The following JAGN1 variants were observed in gnomAD, a reference collection of about 807,000 sequenced individuals.
The protein encoded by JAGN1 is protein jagunal homolog 1.
JAGN1 carries 13 observed loss-of-function variants against 17.1 expected under a neutral mutation model. That is an observed-to-expected ratio of 0.76 (90% CI 0.49 to 1.21). The LOEUF (loss-of-function observed/expected upper bound fraction) is 1.21. Ranked by LOEUF, JAGN1 falls within the 50% of genes most tolerant of loss-of-function variation. The pLI, the probability that JAGN1 is intolerant of heterozygous loss-of-function variation, is 0.00. For missense variants in JAGN1, 256 were observed against 234.2 expected, an observed-to-expected ratio of 1.09 and a Z score of -0.61; for synonymous variants, 111 against 91.0, an observed-to-expected ratio of 1.22 and a Z score of -1.25.
rs755763965 is a variant in JAGN1 at position 9,893,152 on chromosome 3, CTT to C, written c.330_331del (p.Ser111HisfsTer72). 10 of 1,614,114 alleles carry C rather than the reference CTT, an allele frequency of 6.2e-6. No individual in the cohort carries two copies. The highest frequency in any genetic ancestry group is 2.2e-5 in the South Asian group (2 of 91,088). ...LVLSMISMGL[F>X]SIAPLIYGSM... ...TGCTCTCCATGATCAGCATGGGACT[CTT>C]TTCCATCGCTCCACTCATTTATGGC... On this transcript the variant is annotated frameshift_variant, in exon 2 of 2. Transcript: ENST00000647897. LOFTEE classifies it high-confidence loss of function.
rs1363257708 is a variant in JAGN1 at position 9,893,647 on chromosome 3, G to A, written c.*270G>A. On this transcript the variant is annotated 3_prime_UTR_variant, in exon 2 of 2. Transcript: ENST00000647897. Reference sequence around the variant, plus strand: ...AGGTTTTTCTTTAAGAATGAGCTTCGTCCTTGCCTCTACTCGGTCATTCTC... The same window carrying A: ...AGGTTTTTCTTTAAGAATGAGCTTCATCCTTGCCTCTACTCGGTCATTCTC... The A allele has an allele frequency of 1.1e-5, 5 of 435,534 alleles. No individual in the cohort carries two copies. The highest frequency in any genetic ancestry group is 2.1e-5 in the Non-Finnish European group (5 of 243,282). The allele number at this position is 435,534 out of a possible 1,614,324, so 27.0% of individuals were successfully genotyped here.
Position 9,892,918 on chromosome 3 carries a change from G to T in JAGN1, c.93G>T (p.Val31=), listed in dbSNP as rs2082572382. 6.2e-7 allele frequency: 1 copy of T among 1,606,766 alleles called. No individual in the cohort carries two copies. The change falls in exon 2 of 2, where the codon GTG becomes GTT. Residue 31 remains valine (V), a synonymous_variant. Transcript: ENST00000647897. ...CTCCCTCTGCTCTGCCCCACAGTGTGACTCTCAAGTATGAAATCAAGAAGC... is the reference window on the plus strand; with the variant it reads ...CTCCCTCTGCTCTGCCCCACAGTGTTACTCTCAAGTATGAAATCAAGAAGC... ...ERVAMHYQMS[V]TLKYEIKKLI...
chr3:9,892,956 A>AT lies in JAGN1; in HGVS notation c.132dup (p.Leu45SerfsTer10). On this transcript the variant is annotated frameshift_variant, in exon 2 of 2. Transcript: ENST00000647897. LOFTEE classifies it high-confidence loss of function. ...GAAATCAAGAAGCTGATCTACGTAC[A>AT]TCTGGTCATATGGCTGCTGCTGGTT... The AT allele has an allele frequency of 6.2e-7, 1 of 1,614,144 alleles. No individual in the cohort carries two copies. The highest frequency in any genetic ancestry group is 2.2e-5 in the East Asian group (1 of 44,884).
chr3:9,890,895 G>C (rs1046500482), intron 1 of JAGN1, 84 bp downstream of exon 1: 31 of 1,228,798 alleles, frequency 2.5e-5, no homozygotes, highest in Non-Finnish European at 3.5e-5. Flanking sequence ...CCCGGCCTCA[G>C]GGTCTTGCTC....
chr3:9,891,837 A>G (rs2082564477), intron 1 of JAGN1, among the ~76,000 whole-genome samples: 1 of 152,168 alleles, frequency 6.6e-6, no homozygotes, highest in African/African-American at 2.4e-5. Flanking sequence ...AATTAGAAGA[A>G]TAAGATAAGT....
rs188832724 is a variant in JAGN1, at chr3:9,891,116, A to G, written c.89+305A>G. Among the ~76,000 whole-genome samples, 119 of 152,352 alleles carry G rather than the reference A, an allele frequency of 7.8e-4. 3 individuals carry two copies. The highest frequency in any genetic ancestry group is 7.5e-3 in the Admixed American group (115 of 15,312). Reference sequence around the variant, plus strand: ...CCCGCTGTATCACCTTCGAAACCGAATTTCTAATTTGAGCCTCAGCTTCCT... The same window carrying G: ...CCCGCTGTATCACCTTCGAAACCGAGTTTCTAATTTGAGCCTCAGCTTCCT... On this transcript the variant is annotated intron_variant, in intron 1 of 1. Transcript: ENST00000647897.
rs750948225 is a variant in JAGN1, at chr3:9,893,408, A to G, written c.*31A>G. 10 of 1,521,830 alleles carry G rather than the reference A, an allele frequency of 6.6e-6. No individual in the cohort carries two copies. In the East Asian group the frequency reaches 9.2e-5, roughly 14 times the overall value. The allele number at this position is 1,521,830 out of a possible 1,614,324, so 94.3% of individuals were successfully genotyped here. On this transcript the variant is annotated 3_prime_UTR_variant, in exon 2 of 2. Coordinates refer to ENST00000647897, the MANE Select transcript of JAGN1 (RefSeq NM_032492.4). ...CTTTGGGGTGAAGCCTGGACATCCC[A>G]TCGAATGAAAGGACACTAGTACAGC...
chr3:9,893,042 C>G lies in JAGN1; in HGVS notation c.217C>G (p.Gln73Glu). The change falls in exon 2 of 2, where the codon CAG becomes GAG. Residue 73 changes from glutamine to glutamate, a missense_variant. Coordinates refer to ENST00000647897, the MANE Select transcript of JAGN1 (RefSeq NM_032492.4). ...ACATGATCAGGTGGCCATGCCCTATCAGTGGGAATACCCGTATTTGCTGAG... is the reference window on the plus strand; with the variant it reads ...ACATGATCAGGTGGCCATGCCCTATGAGTGGGAATACCCGTATTTGCTGAG... Reference protein sequence around the residue: ...LSHDQVAMPYQWEYPYLLSIL... With the variant: ...LSHDQVAMPYEWEYPYLLSIL... 6.2e-7 allele frequency: 1 copy of G among 1,614,176 alleles called. No homozygotes were observed. The highest frequency in any genetic ancestry group is 1.3e-5 in the African/African-American group (1 of 75,042).
intron 1 of JAGN1, among the ~76,000 whole-genome samples, chr3:9,891,832 G>C (rs1431742651): frequency 6.6e-6 from 1 of 152,076 alleles, no homozygotes; most frequent in Non-Finnish European, 1.5e-5. Context: ...GAGAGAATTA[G>C]AAGAATAAGA....
intron 1 of JAGN1, among the ~76,000 whole-genome samples, chr3:9,892,555 T>C (rs2082570318): frequency 6.6e-6 from 1 of 152,104 alleles, no homozygotes; most frequent in African/African-American, 2.4e-5. Flanking sequence ...ACATAACCAC[T>C]TGCTTTCCTG....
chr3:9,892,316 C>T (rs1396799771), intron 1 of JAGN1, among the ~76,000 whole-genome samples: 6 of 151,192 alleles, frequency 4.0e-5, no homozygotes, highest in African/African-American at 1.2e-4. Flanking sequence ...GCGCCCAGCC[C>T]TGCCTTTTTA....
chr3:9,890,641 CA>C lies in JAGN1; in HGVS notation c.-79del, dbSNP rs2125060177. On this transcript the variant is annotated 5_prime_UTR_variant, in exon 1 of 2. Coordinates refer to ENST00000647897, the MANE Select transcript of JAGN1 (RefSeq NM_032492.4). ...ACGGAGCCGCGCGGCTGCGGGGGCG[CA>C]AATAGGGTCAGTGGGCCGCTTGGCG... 1 of 1,352,206 alleles carries C rather than the reference CA, an allele frequency of 7.4e-7. No homozygotes were observed. The highest frequency in any genetic ancestry group is 2.6e-5 in the East Asian group (1 of 39,132). 83.8% of individuals were successfully genotyped at this position (1,352,206 alleles called of 1,614,324 possible).
At chr3:9,892,342 T>TG (rs199711940) in intron 1 of JAGN1, among the ~76,000 whole-genome samples, 1,510 of 41,346 alleles carry the variant, frequency 0.037, 18 homozygotes, top group Non-Finnish European at 0.062. Flanking sequence ...AGTATTGTTG[T>TG]TGTTTTTTTT....
rs187981807 is a variant in JAGN1, at chr3:9,892,895, C to T, written c.90-20C>T. 394 of 1,541,276 alleles carry T rather than the reference C, an allele frequency of 2.6e-4. 2 individuals are homozygous for T. In the African/African-American group the frequency reaches 4.8e-3, roughly 19 times the overall value. On this transcript the variant is annotated intron_variant, in intron 1 of 1. Transcript: ENST00000647897. ...TAAGAAAAATTTGAAAGATACTTCTCCCTCTGCTCTGCCCCACAGTGTGAC... is the reference window on the plus strand; with the variant it reads ...TAAGAAAAATTTGAAAGATACTTCTTCCTCTGCTCTGCCCCACAGTGTGAC...
rs1188445531 is a variant in JAGN1 at position 9,893,573 on chromosome 3, G to C, written c.*196G>C. ...TTTATTCCTGGTTGGCTAGAACTGG[G>C]TGACCAACAGCTATGAAACAAATTT... is the stretch of plus-strand genomic sequence containing the variant. On this transcript the variant is annotated 3_prime_UTR_variant, in exon 2 of 2. Coordinates refer to ENST00000647897, the MANE Select transcript of JAGN1 (RefSeq NM_032492.4). The C allele has an allele frequency of 2.7e-5, 15 of 564,794 alleles. No homozygotes were observed. The highest frequency in any genetic ancestry group is 3.1e-6 in the Non-Finnish European group (1 of 322,122). 35.0% of individuals were successfully genotyped at this position (564,794 alleles called of 1,614,324 possible). A position where few individuals can be genotyped will look rare whatever the true frequency, so the allele number is the denominator to read the frequency against.
chr3:9,892,458 A>AGCCACCAC (rs71052273), intron 1 of JAGN1, among the ~76,000 whole-genome samples: 2 of 151,046 alleles, frequency 1.3e-5, no homozygotes, highest in African/African-American at 4.9e-5. Context: ...TAGAGTTGTG[A>AGCCACCAC]GCCCAGCCTC....
chr3:9,892,748 A>G, intron 1 of JAGN1, 167 bp from the exon 2 acceptor site: 1 of 598,218 alleles, frequency 1.7e-6, no homozygotes, highest in Non-Finnish European at 3.0e-6. Flanking sequence ...ATTTACTAGA[A>G]CTTTTTCACT....
At chr3:9,892,458 A>AGCCATCAT (rs71052273) in intron 1 of JAGN1, among the ~76,000 whole-genome samples, 1 of 151,046 alleles carries the variant, frequency 6.6e-6, no homozygotes, top group Non-Finnish European at 1.5e-5. Context: ...TAGAGTTGTG[A>AGCCATCAT]GCCCAGCCTC....
chr3:9,893,410 CGAAT>C lies in JAGN1; in HGVS notation c.*37_*40del, dbSNP rs2082576636. 6.7e-7 allele frequency: 1 copy of C among 1,500,012 alleles called. No homozygotes were observed. Among genetic ancestry groups the C allele is most frequent in the Non-Finnish European group, 9.0e-7 (1 of 1,105,162 alleles). 92.9% of individuals were successfully genotyped at this position (1,500,012 alleles called of 1,614,324 possible). ...TTGGGGTGAAGCCTGGACATCCCATCGAATGAAAGGACACTAGTACAGCGGTTCC... is the reference window on the plus strand; with the variant it reads ...TTGGGGTGAAGCCTGGACATCCCATCGAAAGGACACTAGTACAGCGGTTCC... On this transcript the variant is annotated 3_prime_UTR_variant, in exon 2 of 2. Coordinates refer to ENST00000647897, the MANE Select transcript of JAGN1 (RefSeq NM_032492.4).
Sources: gnomAD v4.1 joint callset for allele counts (sites outside exome capture counted in the v4.1 genomes callset) on GRCh38, gnomAD v4.1.1 for gene constraint, MANE v1.5 for transcripts, NCBI Gene and HGNC (gene_info 2026-07-23, HGNC 2026-07-21) for gene names.